Variants in ULK4 observed in about 807,000 individuals in gnomAD.
The protein encoded by ULK4 is unc-51 like kinase 4, also known as inactive serine/threonine-protein kinase ULK4.
A neutral mutation model predicts 160.6 loss-of-function variants in ULK4; 133 were observed. The ratio of observed to expected loss-of-function variants is 0.83; its 90% CI spans 0.72 to 0.96. ULK4 has a LOEUF of 0.96. Ranked by LOEUF, ULK4 falls within the 40% of genes least tolerant of loss-of-function variation. The probability of loss-of-function intolerance (pLI) is 0.00; values close to 1 mark genes in which losing one functional copy is unlikely to be tolerated. For missense variants in ULK4, 1,580 were observed against 1,499.5 expected (o/e 1.05, Z -0.89); for synonymous variants, 534 against 539.8 (o/e 0.99, Z 0.15).
chr3:41,912,429 G>A (rs1698822542), intron 9 of ULK4, among the ~76,000 whole-genome samples: 1 of 150,756 alleles, frequency 6.6e-6, no homozygotes, highest in South Asian at 2.1e-4. Flanking sequence ...CTTCAACTTT[G>A]CATCTGGGAA....
chr3:41,917,190 G>A (rs534127479), intron 7 of ULK4, among the ~76,000 whole-genome samples: 1 of 152,126 alleles, frequency 6.6e-6, no homozygotes, highest in East Asian at 1.9e-4. Flanking sequence ...CCATATCCAG[G>A]TCATCAGTCT....
rs1197234650 is a variant in ULK4 at position 41,348,206 on chromosome 3, CAAAAAAA to C, written c.3678+49866_3678+49872del. Among the ~76,000 whole-genome samples, 16 of 22,962 alleles carry C rather than the reference CAAAAAAA, an allele frequency of 7.0e-4. 1 individual carries two copies. The highest frequency in any genetic ancestry group is 2.4e-3 in the African/African-American group (14 of 5,840). The allele number at this position is 22,962 out of a possible 152,430, so 15.1% of individuals were successfully genotyped here. ...CCTAGGCAAAAAAGTAACTCTGTCT[CAAAAAAA>C]AAAAAAAAAAAAAAAAAAAGTACAT... is the stretch of plus-strand genomic sequence containing the variant. On this transcript the variant is annotated intron_variant, in intron 35 of 36. Transcript: ENST00000301831.
chr3:41,929,874 G>T (rs1413848765), intron 5 of ULK4, among the ~76,000 whole-genome samples: 1 of 152,046 alleles, frequency 6.6e-6, no homozygotes, highest in Non-Finnish European at 1.5e-5. Context: ...TATCCTCATG[G>T]ATAGAAAGAA....
At chr3:41,500,252 A>C (rs2085149289) in intron 32 of ULK4, among the ~76,000 whole-genome samples, 1 of 148,352 alleles carries the variant, frequency 6.7e-6, no homozygotes, top group Non-Finnish European at 1.5e-5. Context: ...CCTAAATTGC[A>C]AGCCTAGCTC....
At chr3:41,384,625 C>G (rs2081758647) in intron 35 of ULK4, among the ~76,000 whole-genome samples, 1 of 152,094 alleles carries the variant, frequency 6.6e-6, no homozygotes, top group Non-Finnish European at 1.5e-5. Context: ...CGTTCTATCA[C>G]CCAGGCTGGA....
intron 35 of ULK4, among the ~76,000 whole-genome samples, chr3:41,373,721 A>G (rs1220274330): frequency 6.6e-6 from 1 of 152,216 alleles, no homozygotes; most frequent in Non-Finnish European, 1.5e-5. Context: ...ATCACAATTA[A>G]AAGAACTAGA....
chr3:41,832,741 T>C (rs1453173580), intron 18 of ULK4, among the ~76,000 whole-genome samples: 1 of 152,244 alleles, frequency 6.6e-6, no homozygotes, highest in Non-Finnish European at 1.5e-5. Context: ...TGCATCCAGT[T>C]TCAGTTTTCT....
At chr3:41,729,950 C>T (rs960737049) in intron 22 of ULK4, among the ~76,000 whole-genome samples, 10 of 152,174 alleles carry the variant, frequency 6.6e-5, no homozygotes, top group African/African-American at 2.2e-4. Context: ...TATTAAGTAT[C>T]TTTTCTGACT....
At chr3:41,946,706 G>C (rs568145607) in intron 2 of ULK4, among the ~76,000 whole-genome samples, 1 of 152,300 alleles carries the variant, frequency 6.6e-6, no homozygotes, top group East Asian at 1.9e-4. Context: ...TGTGTCACAA[G>C]TTGTATTCTC....
chr3:41,567,676 G>A (rs893860372), intron 31 of ULK4, among the ~76,000 whole-genome samples: 6 of 151,968 alleles, frequency 3.9e-5, no homozygotes, highest in African/African-American at 1.5e-4. Context: ...TGTTGGCCAG[G>A]ATGGTCTCGA....
At chr3:41,572,283 C>T (rs547984440) in intron 31 of ULK4, among the ~76,000 whole-genome samples, 25 of 152,244 alleles carry the variant, frequency 1.6e-4, no homozygotes, top group African/African-American at 5.8e-4. Flanking sequence ...CCAACACCAC[C>T]TGTGGACCCA....
chr3:41,854,460 C>T (rs1227108639), intron 17 of ULK4, among the ~76,000 whole-genome samples: 1 of 152,158 alleles, frequency 6.6e-6, no homozygotes, highest in Non-Finnish European at 1.5e-5. Flanking sequence ...CTTATCTGCA[C>T]AGACAAGGTG....
At chr3:41,325,898 G>A (rs1468091798) in intron 35 of ULK4, among the ~76,000 whole-genome samples, 1 of 151,922 alleles carries the variant, frequency 6.6e-6, no homozygotes, top group Non-Finnish European at 1.5e-5. Flanking sequence ...CAGCCTGGGT[G>A]ACACAGCGAG....
chr3:41,335,487 T>C (rs1248587732), intron 35 of ULK4, among the ~76,000 whole-genome samples: 2 of 152,182 alleles, frequency 1.3e-5, no homozygotes, highest in Non-Finnish European at 2.9e-5. Flanking sequence ...TGGTAACTTA[T>C]GTTTCTTGGG....
chr3:41,357,531 C>T (rs2081052786), intron 35 of ULK4, among the ~76,000 whole-genome samples: 1 of 152,146 alleles, frequency 6.6e-6, no homozygotes, highest in African/African-American at 2.4e-5. Context: ...GAGAGTGGGA[C>T]ACCAGGATCT....
chr3:41,820,094 C>T (rs1171572371), intron 18 of ULK4, among the ~76,000 whole-genome samples: 4 of 148,326 alleles, frequency 2.7e-5, no homozygotes, highest in Admixed American at 2.7e-4. Flanking sequence ...CTATCAAATA[C>T]AATCAGAAAA....
In ULK4 at chr3:41,935,950, GT is replaced by G; in HGVS notation, c.239-11del. The G allele has an allele frequency of 6.2e-7, 1 of 1,611,810 alleles. No homozygotes were observed. Among genetic ancestry groups the G allele is most frequent in the African/African-American group, 1.3e-5 (1 of 74,822 alleles). On this transcript the variant is annotated splice_polypyrimidine_tract_variant and intron_variant, in intron 3 of 36. Coordinates refer to ENST00000301831, the MANE Select transcript of ULK4 (RefSeq NM_017886.4). ...GTTTTTAAGGAACCACCTGCAAGAG[GT>G]TGATTAAAATCACCCATTTCAACCC... is the stretch of plus-strand genomic sequence containing the variant.
chr3:41,448,209 A>G (rs1357813536), intron 34 of ULK4, among the ~76,000 whole-genome samples: 1 of 152,140 alleles, frequency 6.6e-6, no homozygotes, highest in Non-Finnish European at 1.5e-5. Context: ...ACCAGGTAAC[A>G]GGAAGTGTTA....
At chr3:41,791,672 A>G (rs1008553260) in intron 20 of ULK4, among the ~76,000 whole-genome samples, 1 of 151,934 alleles carries the variant, frequency 6.6e-6, no homozygotes, top group African/African-American at 2.4e-5. Flanking sequence ...TCCAATGCCA[A>G]TGACTATATT....
Sources: allele counts gnomAD v4.1 joint callset (sites outside exome capture counted in the v4.1 genomes callset), GRCh38; gene constraint gnomAD v4.1.1; transcripts MANE v1.5; gene names NCBI Gene and HGNC (gene_info 2026-07-23, HGNC 2026-07-21).